LRP1B: variants seen among roughly 807,000 people sequenced by gnomAD.
LRP1B encodes LDL receptor related protein 1B.
In LRP1B, 217 loss-of-function variants were observed where a neutral mutation model predicts 556.6. The observed-to-expected ratio is 0.39, with a 90% CI of 0.35 to 0.44. The LOEUF is 0.44. LRP1B is among the 20% of genes least tolerant of loss of function. The probability of loss-of-function intolerance (pLI) is 1.00; values close to 1 mark genes in which losing one functional copy is unlikely to be tolerated. For synonymous variants in LRP1B, 2,047 were observed against 1,865.8 expected, an observed-to-expected ratio of 1.10 and a Z score of -2.50; for missense variants, 5,053 against 5,620.8, an observed-to-expected ratio of 0.90 and a Z score of 3.23.
chr2:141,833,696 A>T (rs1409621057), intron 1 of LRP1B, among the ~76,000 whole-genome samples: 1 of 151,852 alleles, frequency 6.6e-6, no homozygotes, highest in South Asian at 2.1e-4. Context: ...TGATGCTGTC[A>T]TATCTCCAGC....
chr2:141,206,931 A>G (rs1682309476), intron 6 of LRP1B, among the ~76,000 whole-genome samples: 3 of 152,232 alleles, frequency 2.0e-5, no homozygotes, highest in Admixed American at 1.3e-4. Flanking sequence ...AGTGTGTGTC[A>G]TAACAATAAT....
rs114930234 is a variant in LRP1B, at chr2:140,489,154, C to G, written c.9121-1415G>C. Reference sequence around the variant, plus strand: ...TACTGCTTATTTTCCCTTCTCACAGCAGGGCTAAATTTTAGTAATAATAGT... The same window carrying G: ...TACTGCTTATTTTCCCTTCTCACAGGAGGGCTAAATTTTAGTAATAATAGT... On this transcript the variant is annotated intron_variant, in intron 57 of 90. Coordinates refer to ENST00000389484, the MANE Select transcript of LRP1B (RefSeq NM_018557.3). 3.8e-3 allele frequency among the ~76,000 whole-genome samples: 580 copies of G among 152,098 alleles called. 6 individuals are homozygous for G. The highest frequency in any genetic ancestry group is 0.013 in the African/African-American group (539 of 41,526).
chr2:140,629,974 C>T (rs1274571518), intron 41 of LRP1B, among the ~76,000 whole-genome samples: 3 of 152,206 alleles, frequency 2.0e-5, no homozygotes, highest in Non-Finnish European at 4.4e-5. Context: ...ATGATTTCAA[C>T]ATGGCATAGC....
rs181753390 is a variant in LRP1B at position 141,444,137 on chromosome 2, G to A, written c.343+36259C>T. ...AGTGGTTTGTTTTTTCCTTGAAGAA[G>A]TCCTTCACATCCCTTGTAACTTGTA... On this transcript the variant is annotated intron_variant, in intron 3 of 90. Coordinates refer to ENST00000389484, the MANE Select transcript of LRP1B (RefSeq NM_018557.3). 5.9e-5 allele frequency among the ~76,000 whole-genome samples: 9 copies of A among 152,212 alleles called. No individual in the cohort carries two copies. In the East Asian group the frequency reaches 1.7e-3, roughly 29 times the overall value.
intron 2 of LRP1B, among the ~76,000 whole-genome samples, chr2:141,666,338 C>T (rs973271015): frequency 6.6e-6 from 1 of 151,998 alleles, no homozygotes; most frequent in Non-Finnish European, 1.5e-5. Context: ...AATGTAAAGC[C>T]TTATCTCATG....
At chr2:140,937,906 T>C (rs952047301) in intron 20 of LRP1B, among the ~76,000 whole-genome samples, 2 of 150,044 alleles carry the variant, frequency 1.3e-5, no homozygotes, top group Non-Finnish European at 3.0e-5. Context: ...CCTCCGTTGG[T>C]AGGACATTTT....
intron 6 of LRP1B, among the ~76,000 whole-genome samples, chr2:141,193,734 G>GAA: frequency 7.3e-6 from 1 of 137,524 alleles, no homozygotes. Context: ...ATAAAAGTTA[G>GAA]AAAAAAAAAC....
At chr2:141,844,234 T>A (rs1697568833) in intron 1 of LRP1B, among the ~76,000 whole-genome samples, 1 of 152,070 alleles carries the variant, frequency 6.6e-6, no homozygotes, top group African/African-American at 2.4e-5. Context: ...CAGGTTAAAT[T>A]TTGCTTTTTC....
At chr2:141,451,082 T>C (rs1209804982) in intron 3 of LRP1B, among the ~76,000 whole-genome samples, 2 of 152,322 alleles carry the variant, frequency 1.3e-5, no homozygotes, top group East Asian at 3.9e-4. Flanking sequence ...CTTCCAAGTC[T>C]TGATACAAGT....
chr2:140,720,744 G>A (rs566365828), intron 35 of LRP1B, among the ~76,000 whole-genome samples: 1 of 152,066 alleles, frequency 6.6e-6, no homozygotes, highest in African/African-American at 2.4e-5. Context: ...TCTACTCTAC[G>A]TTATTATGGG....
At chr2:141,051,016 A>T (rs1345426407) in intron 10 of LRP1B, among the ~76,000 whole-genome samples, 1 of 152,170 alleles carries the variant, frequency 6.6e-6, no homozygotes, top group African/African-American at 2.4e-5. Flanking sequence ...CAGCCAACAA[A>T]CACGAATAAA....
Position 140,952,933 on chromosome 2 carries a change from G to A in LRP1B, c.2888-993C>T, listed in dbSNP as rs1695761911. Among the ~76,000 whole-genome samples the A allele has an allele frequency of 2.6e-5, 4 of 152,082 alleles. No individual in the cohort carries two copies. In the South Asian group the frequency reaches 6.2e-4, roughly 24 times the overall value. ...CAATATCAGACCTTTAAGCTCAGGA[G>A]AATATGGATAGCATTACAAATCTTC... On this transcript the variant is annotated intron_variant, in intron 18 of 90. Coordinates refer to ENST00000389484, the MANE Select transcript of LRP1B (RefSeq NM_018557.3).
intron 1 of LRP1B, among the ~76,000 whole-genome samples, chr2:141,955,987 T>A (rs1701237998): frequency 6.6e-6 from 1 of 152,064 alleles, no homozygotes; most frequent in East Asian, 1.9e-4. Context: ...GAGGATCCCT[T>A]GAGGCCAGGA....
At chr2:141,536,481 G>A (rs1316033867) in intron 2 of LRP1B, among the ~76,000 whole-genome samples, 2 of 151,928 alleles carry the variant, frequency 1.3e-5, no homozygotes, top group African/African-American at 4.8e-5. Flanking sequence ...CAATTATTAG[G>A]GAAGCAGAAG....
chr2:141,226,642 A>G (rs1460528761), intron 6 of LRP1B, among the ~76,000 whole-genome samples: 1 of 152,180 alleles, frequency 6.6e-6, no homozygotes, highest in African/African-American at 2.4e-5. Context: ...ATTCAGGCTG[A>G]CTTCCATCAG....
intron 1 of LRP1B, among the ~76,000 whole-genome samples, chr2:141,824,903 T>C (rs1696872630): frequency 6.6e-6 from 1 of 152,172 alleles, no homozygotes; most frequent in Non-Finnish European, 1.5e-5. Context: ...GGTTGTATCA[T>C]GGGAATGGTT....
At chr2:141,154,918 T>C (rs1308001460) in intron 7 of LRP1B, among the ~76,000 whole-genome samples, 2 of 151,954 alleles carry the variant, frequency 1.3e-5, no homozygotes, top group Non-Finnish European at 2.9e-5. Context: ...GAGTTCAGTA[T>C]AGCCAGTGAA....
chr2:141,794,538 T>G (rs534074472), intron 2 of LRP1B, among the ~76,000 whole-genome samples: 1 of 151,694 alleles, frequency 6.6e-6, no homozygotes, highest in Non-Finnish European at 1.5e-5. Context: ...AAAAGAAAAA[T>G]AACTGATATA....
chr2:141,990,455 T>C (rs1329883814), intron 1 of LRP1B, among the ~76,000 whole-genome samples: 2 of 152,070 alleles, frequency 1.3e-5, no homozygotes, highest in Admixed American at 6.6e-5. Flanking sequence ...TTAAATTTCC[T>C]TTGCTAGTTT....
Sources: gnomAD v4.1 joint callset for allele counts (sites outside exome capture counted in the v4.1 genomes callset) on GRCh38, gnomAD v4.1.1 for gene constraint, MANE v1.5 for transcripts, NCBI Gene and HGNC (gene_info 2026-07-23, HGNC 2026-07-21) for gene names.